SORCS1: variants seen among roughly 807,000 people sequenced by gnomAD.
The protein encoded by SORCS1 is VPS10 domain-containing receptor SorCS1.
In SORCS1, 60 loss-of-function variants were observed where a neutral mutation model predicts 146.1. The observed-to-expected ratio is 0.41, with a 90% CI of 0.33 to 0.51. SORCS1 has a LOEUF of 0.51. SORCS1 is among the 20% of genes least tolerant of loss of function. SORCS1 has a pLI of 0.21. For missense variants in SORCS1, 1,352 were observed against 1,487.6 expected (o/e 0.91, Z 1.50); for synonymous variants, 637 against 584.0 (o/e 1.09, Z -1.31).
intron 1 of SORCS1, among the ~76,000 whole-genome samples, chr10:107,061,352 T>C (rs1961211638): frequency 1.3e-5 from 2 of 152,204 alleles, no homozygotes; most frequent in South Asian, 4.1e-4. Flanking sequence ...ATTAAAATGC[T>C]TACTTTCAGT....
At chr10:106,746,613 T>C (rs1332749665) in intron 5 of SORCS1, among the ~76,000 whole-genome samples, 2 of 152,228 alleles carry the variant, frequency 1.3e-5, no homozygotes, top group Non-Finnish European at 2.9e-5. Flanking sequence ...GTGTTAAGGT[T>C]GTTTTAGTGG....
intron 3 of SORCS1, among the ~76,000 whole-genome samples, chr10:106,798,296 C>CT (rs965755300): frequency 1.3e-5 from 2 of 152,006 alleles, no homozygotes; most frequent in African/African-American, 2.4e-5. Context: ...CCAGTCTTGT[C>CT]TTTTTTTTAT....
intron 2 of SORCS1, among the ~76,000 whole-genome samples, chr10:106,934,201 A>G (rs531284262): frequency 5.9e-4 from 89 of 152,028 alleles, no homozygotes; most frequent in African/African-American, 2.0e-3. Flanking sequence ...TGCTTATGGG[A>G]ATGTAAATTA....
At chr10:106,896,386 G>A (rs188210511) in intron 2 of SORCS1, among the ~76,000 whole-genome samples, 12 of 144,330 alleles carry the variant, frequency 8.3e-5, no homozygotes, top group Admixed American at 2.9e-4. Flanking sequence ...CCAAGATTGC[G>A]CCACTGCACT....
chr10:106,656,059 T>G (rs1362864810), intron 17 of SORCS1, among the ~76,000 whole-genome samples: 1 of 152,144 alleles, frequency 6.6e-6, no homozygotes. Flanking sequence ...CTTTGTACAA[T>G]TACTGAAAAG....
At chr10:106,893,297 G>T (rs1253621301) in intron 2 of SORCS1, among the ~76,000 whole-genome samples, 1 of 152,186 alleles carries the variant, frequency 6.6e-6, no homozygotes, top group Non-Finnish European at 1.5e-5. Flanking sequence ...AATAATGGAT[G>T]AAGCCAACAA....
intron 1 of SORCS1, among the ~76,000 whole-genome samples, chr10:106,985,528 T>C: frequency 6.6e-6 from 1 of 151,568 alleles, no homozygotes; most frequent in Non-Finnish European, 1.5e-5. Context: ...TGTACTATTA[T>C]TTCACTTAAG....
At chr10:106,686,609 C>T (rs886400331) in intron 10 of SORCS1, among the ~76,000 whole-genome samples, 1 of 152,134 alleles carries the variant, frequency 6.6e-6, no homozygotes, top group African/African-American at 2.4e-5. Flanking sequence ...TAAATAGCTG[C>T]TACATTTACT....
chr10:107,024,309 G>A (rs1958296706), intron 1 of SORCS1, among the ~76,000 whole-genome samples: 2 of 152,106 alleles, frequency 1.3e-5, no homozygotes, highest in African/African-American at 4.8e-5. Flanking sequence ...AAGGGTAAGG[G>A]CTGGTGTGTG....
chr10:106,953,809 T>C (rs905508142), intron 2 of SORCS1, among the ~76,000 whole-genome samples: 1 of 152,186 alleles, frequency 6.6e-6, no homozygotes, highest in Non-Finnish European at 1.5e-5. Flanking sequence ...AGTATAATTT[T>C]ATGGGACCAC....
intron 24 of SORCS1, among the ~76,000 whole-genome samples, chr10:106,589,696 C>CAAA (rs1845480461): frequency 9.1e-6 from 1 of 110,360 alleles, no homozygotes; most frequent in Non-Finnish European, 1.8e-5. Context: ...TCTTTGACGA[C>CAAA]GAAAAAAAAA....
At chr10:107,014,050 C>A (rs185393472) in intron 1 of SORCS1, among the ~76,000 whole-genome samples, 1 of 151,880 alleles carries the variant, frequency 6.6e-6, no homozygotes, top group Admixed American at 6.6e-5. Flanking sequence ...GACAAGAGAT[C>A]GAGATCATCC....
chr10:106,766,868 T>C (rs1480263001), intron 4 of SORCS1, among the ~76,000 whole-genome samples: 1 of 152,250 alleles, frequency 6.6e-6, no homozygotes, highest in Non-Finnish European at 1.5e-5. Context: ...CAGCGGGCTT[T>C]GTAATACAAT....
At chr10:106,783,250 A>T (rs1043083136) in intron 3 of SORCS1, among the ~76,000 whole-genome samples, 2 of 152,218 alleles carry the variant, frequency 1.3e-5, no homozygotes, top group African/African-American at 4.8e-5. Context: ...ATTGTTTATG[A>T]AAACTACTTC....
chr10:106,627,767 A>G (rs1848196027), intron 19 of SORCS1, among the ~76,000 whole-genome samples: 1 of 152,184 alleles, frequency 6.6e-6, no homozygotes. Flanking sequence ...AAGAGTAGGG[A>G]GTAGATAGTA....
chr10:106,911,031 G>A (rs551612743), intron 2 of SORCS1, among the ~76,000 whole-genome samples: 1 of 152,186 alleles, frequency 6.6e-6, no homozygotes, highest in East Asian at 1.9e-4. Context: ...TCTGATGCCT[G>A]TTCTTGGGTA....
intron 24 of SORCS1, among the ~76,000 whole-genome samples, chr10:106,592,246 T>C (rs971517616): frequency 6.6e-6 from 1 of 152,156 alleles, no homozygotes; most frequent in Admixed American, 6.5e-5. Context: ...ACCACAGGAA[T>C]GGCTAGGAAC....
intron 3 of SORCS1, among the ~76,000 whole-genome samples, chr10:106,805,468 A>G (rs1307889870): frequency 2.0e-5 from 3 of 152,188 alleles, no homozygotes; most frequent in Non-Finnish European, 2.9e-5. Flanking sequence ...AAGGAACTAC[A>G]ATATGTTAAG....
At chr10:107,099,498 A>G (rs1964772176) in intron 1 of SORCS1, among the ~76,000 whole-genome samples, 1 of 152,216 alleles carries the variant, frequency 6.6e-6, no homozygotes, top group Admixed American at 6.5e-5. Context: ...AATTTAAATT[A>G]AGTCAAATTA....
Sources: gnomAD v4.1 joint callset for allele counts (sites outside exome capture counted in the v4.1 genomes callset) on GRCh38, gnomAD v4.1.1 for gene constraint, MANE v1.5 for transcripts, NCBI Gene and HGNC (gene_info 2026-07-23, HGNC 2026-07-21) for gene names.